Variants in FAM53B observed in about 807,000 individuals in gnomAD.
The protein encoded by FAM53B is protein FAM53B.
FAM53B carries 12 observed loss-of-function variants against 32.7 expected under a neutral mutation model. That is an observed-to-expected ratio of 0.37 (90% CI 0.24 to 0.59). The LOEUF is 0.59. Among genes scored for constraint, FAM53B ranks in the 20% least tolerant of loss-of-function variants. The probability of loss-of-function intolerance (pLI) is 0.72; values close to 1 mark genes in which losing one functional copy is unlikely to be tolerated. For synonymous variants in FAM53B, 234 were observed against 228.7 expected, an observed-to-expected ratio of 1.02 and a Z score of -0.21; for missense variants, 477 against 577.7, an observed-to-expected ratio of 0.83 and a Z score of 1.79.
Position 124,642,820 on chromosome 10 carries a change from C to A in FAM53B, c.907-19216G>T, listed in dbSNP as rs542244193. The stretch of plus-strand genomic sequence containing the variant: ...AGGGTGGAGGTCGGTCTAGGAGAAA[C>A]CTCTTGAAGCTGCAGCACACGGCTC... On this transcript the variant is annotated intron_variant, in intron 4 of 4. Transcript: ENST00000337318. Among the ~76,000 whole-genome samples the A allele has an allele frequency of 6.6e-5, 10 of 152,322 alleles. No homozygotes were observed. In the East Asian group the frequency reaches 1.9e-3, roughly 29 times the overall value.
At chr10:124,675,258 G>GA (rs1260712513) in intron 4 of FAM53B, among the ~76,000 whole-genome samples, 4 of 152,146 alleles carry the variant, frequency 2.6e-5, no homozygotes, top group African/African-American at 9.7e-5. Flanking sequence ...TCCGTCAAAA[G>GA]AAAGGAAAGA....
intron 4 of FAM53B, among the ~76,000 whole-genome samples, chr10:124,649,767 G>A (rs1461109598): frequency 2.0e-5 from 3 of 152,080 alleles, no homozygotes; most frequent in Admixed American, 1.3e-4. Context: ...TTGATTCTTT[G>A]TACTCCTTCA....
intron 3 of FAM53B, among the ~76,000 whole-genome samples, chr10:124,686,233 T>G (rs568773812): frequency 1.3e-5 from 2 of 152,320 alleles, no homozygotes; most frequent in South Asian, 4.1e-4. Flanking sequence ...GCAGAAAGGC[T>G]GGAAGTCCAG....
At chr10:124,665,662 C>T (rs189495488) in intron 4 of FAM53B, among the ~76,000 whole-genome samples, 27 of 152,342 alleles carry the variant, frequency 1.8e-4, no homozygotes, top group African/African-American at 6.5e-4. Context: ...GAGGATACAG[C>T]CCTGGGCATT....
rs551689903 is a variant in FAM53B, at chr10:124,651,785, G to C, written c.907-28181C>G. 1.3e-5 allele frequency among the ~76,000 whole-genome samples: 2 copies of C among 152,354 alleles called. No individual in the cohort carries two copies. Among genetic ancestry groups the C allele is most frequent in the African/African-American group, 4.8e-5 (2 of 41,596 alleles). On this transcript the variant is annotated intron_variant, in intron 4 of 4. Transcript: ENST00000337318. This position sits in a 1 kb window ranked among gnomAD's most constrained non-coding sequence, Gnocchi z 5.2. ...CAGTGACTGGGCACTGGCACATGGC[G>C]GGGACACGCCACCCCTGCTGTCTAC...
In FAM53B at chr10:124,709,274, G is replaced by A. The variant is rs567354998; in HGVS notation, c.-174-2387C>T. On this transcript the variant is annotated intron_variant, in intron 1 of 4. Transcript: ENST00000337318. ...TAGAATGAAACTGTGGAAGTCTGTC[G>A]CCATGGGAACACATTAGCCCATCCA... Among the ~76,000 whole-genome samples, 44 of 152,332 alleles carry A rather than the reference G, an allele frequency of 2.9e-4. No homozygotes were observed. In the South Asian group the frequency reaches 8.5e-3, roughly 29 times the overall value.
rs1949318178 is a variant in FAM53B at position 124,622,559 on chromosome 10, A to G, written c.*683T>C. ...TTTCTACCCAACACGGGAGGCCCTA[A>G]CAAGCACCCTCCAAATCGTTCCTTG... is the stretch of plus-strand genomic sequence containing the variant. On this transcript the variant is annotated 3_prime_UTR_variant, in exon 5 of 5. Transcript: ENST00000337318. 6.6e-6 allele frequency: 1 copy of G among 152,406 alleles called. No individual in the cohort carries two copies. Among genetic ancestry groups the G allele is most frequent in the South Asian group, 2.1e-4 (1 of 4,826 alleles). The allele number at this position is 152,406 out of a possible 1,614,324, so 9.4% of individuals were successfully genotyped here. A position where few individuals can be genotyped will look rare whatever the true frequency, so the allele number is the denominator to read the frequency against.
chr10:124,655,360 G>A (rs1329676871), intron 4 of FAM53B, among the ~76,000 whole-genome samples: 2 of 152,006 alleles, frequency 1.3e-5, no homozygotes, highest in Non-Finnish European at 2.9e-5. Flanking sequence ...CCTGGGGAGG[G>A]GCCTGAAAGC....
chr10:124,717,205 T>C (rs1223735328), intron 1 of FAM53B, among the ~76,000 whole-genome samples: 1 of 152,174 alleles, frequency 6.6e-6, no homozygotes, highest in Non-Finnish European at 1.5e-5. Context: ...AGTTCCCTCA[T>C]GAGTCAAATA....
chr10:124,674,244 G>T (rs964062298), intron 4 of FAM53B, among the ~76,000 whole-genome samples: 2 of 152,200 alleles, frequency 1.3e-5, no homozygotes, highest in Non-Finnish European at 2.9e-5. Flanking sequence ...TTCCTGAGGG[G>T]AGGACAGTTC....
At chr10:124,676,678 T>C (rs541480703) in intron 4 of FAM53B, among the ~76,000 whole-genome samples, 1 of 152,290 alleles carries the variant, frequency 6.6e-6, no homozygotes, top group Admixed American at 6.5e-5. Flanking sequence ...CTGATGAGCA[T>C]ACGCACAAGC....
At chr10:124,627,193 G>A (rs905215531) in intron 4 of FAM53B, among the ~76,000 whole-genome samples, 10 of 152,144 alleles carry the variant, frequency 6.6e-5, no homozygotes, top group South Asian at 2.1e-4. Flanking sequence ...ACAATGGGGC[G>A]GTGTGTGTTC....
At chr10:124,715,337 T>C (rs567606751) in intron 1 of FAM53B, among the ~76,000 whole-genome samples, 128 of 152,290 alleles carry the variant, frequency 8.4e-4, no homozygotes, top group Non-Finnish European at 1.6e-3. Context: ...CTTAACTGCA[T>C]GGATGTGCAG....
chr10:124,683,059 C>T lies in FAM53B; in HGVS notation c.134-680G>A, dbSNP rs115147498. 3.1e-3 allele frequency among the ~76,000 whole-genome samples: 468 copies of T among 152,354 alleles called. 2 individuals carry two copies. The highest frequency in any genetic ancestry group is 0.01 in the African/African-American group (430 of 41,582). On this transcript the variant is annotated intron_variant, in intron 3 of 4. Coordinates refer to ENST00000337318, the MANE Select transcript of FAM53B (RefSeq NM_014661.4). ...TTCTCTGTGTTCACTCGATTTTTCACTTAAAGCAATTAAAATCTCTAAGAA... is the reference window on the plus strand; with the variant it reads ...TTCTCTGTGTTCACTCGATTTTTCATTTAAAGCAATTAAAATCTCTAAGAA...
chr10:124,676,204 A>G (rs3824800), intron 4 of FAM53B, among the ~76,000 whole-genome samples: 1 of 152,162 alleles, frequency 6.6e-6, no homozygotes, highest in Non-Finnish European at 1.5e-5. Flanking sequence ...ACTTGTATTT[A>G]GCATTTCTTT....
At chr10:124,680,528 GAAC>G (rs1331965887) in intron 4 of FAM53B, among the ~76,000 whole-genome samples, 1 of 152,202 alleles carries the variant, frequency 6.6e-6, no homozygotes, top group Non-Finnish European at 1.5e-5. Flanking sequence ...CCAACTGAGA[GAAC>G]AACACTGGGC....
At chr10:124,727,347 C>A (rs1382415786) in intron 1 of FAM53B, among the ~76,000 whole-genome samples, 3 of 62,472 alleles carry the variant, frequency 4.8e-5, no homozygotes, top group East Asian at 4.0e-4. Flanking sequence ...GGGGGGGGTG[C>A]GGGGGTACAA....
At chr10:124,718,870 A>T (rs142978709) in intron 1 of FAM53B, among the ~76,000 whole-genome samples, 1 of 152,198 alleles carries the variant, frequency 6.6e-6, no homozygotes, top group South Asian at 2.1e-4. Context: ...AACATGGAGA[A>T]ATCCCCATCT....
intron 1 of FAM53B, among the ~76,000 whole-genome samples, chr10:124,710,927 T>G (rs1949997434): frequency 6.6e-6 from 1 of 152,156 alleles, no homozygotes; most frequent in Non-Finnish European, 1.5e-5. Flanking sequence ...AAAAACCCCT[T>G]CAAATGCCCA....
Sources: allele counts gnomAD v4.1 joint callset (sites outside exome capture counted in the v4.1 genomes callset), GRCh38; gene constraint gnomAD v4.1.1; non-coding constraint Gnocchi (gnomAD v3.1); transcripts MANE v1.5; gene names NCBI Gene and HGNC (gene_info 2026-07-23, HGNC 2026-07-21).